The following ITPR2 variants were observed in gnomAD, a reference collection of about 807,000 sequenced individuals.
ITPR2 encodes the protein inositol 1,4,5-trisphosphate-gated calcium channel ITPR2.
Under a neutral mutation model 317.1 loss-of-function variants are expected in ITPR2, and 207 were observed. The observed-to-expected ratio is 0.65, with a 90% CI of 0.58 to 0.73. The LOEUF (loss-of-function observed/expected upper bound fraction) is 0.73, where lower values mean the gene tolerates loss of function less well. Ranked by LOEUF, ITPR2 falls within the 30% of genes least tolerant of loss-of-function variation. The probability of loss-of-function intolerance (pLI) is 0.00; values close to 1 mark genes in which losing one functional copy is unlikely to be tolerated. For missense variants in ITPR2, 2,613 were observed against 3,284.0 expected (o/e 0.80, Z 4.99); for synonymous variants, 1,156 against 1,149.1 (o/e 1.01, Z -0.12).
chr12:26,555,125 ACCCCAC>A (rs1944627047), intron 36 of ITPR2, among the ~76,000 whole-genome samples: 1 of 151,878 alleles, frequency 6.6e-6, no homozygotes, highest in Non-Finnish European at 1.5e-5. Context: ...TAGTATAAAA[ACCCCAC>A]CTATTCTTCA....
At chr12:26,568,149 T>G (rs560234632) in intron 34 of ITPR2, among the ~76,000 whole-genome samples, 307 of 150,870 alleles carry the variant, frequency 2.0e-3, no homozygotes, top group African/African-American at 6.6e-3. Flanking sequence ...TCTTCTGGCC[T>G]ATAGCATTAA....
chr12:26,804,132 A>G (rs12812268), intron 1 of ITPR2, among the ~76,000 whole-genome samples: 65,458 of 151,882 alleles, frequency 0.43, 14,535 homozygotes, highest in East Asian at 0.65. Context: ...GAAAAGGGAA[A>G]AGCTAAAAAA....
intron 10 of ITPR2, among the ~76,000 whole-genome samples, chr12:26,692,610 G>T (rs1948261804): frequency 6.6e-6 from 1 of 152,136 alleles, no homozygotes; most frequent in Non-Finnish European, 1.5e-5. Context: ...TGTTTACAGG[G>T]TCCCTGTGGA....
chr12:26,339,222 A>T lies in ITPR2; in HGVS notation c.*175T>A. On this transcript the variant is annotated 3_prime_UTR_variant, in exon 57 of 57. Transcript: ENST00000381340. ...ATGCATTTGAGGTTAGGTCTTCGCA[A>T]CCATGAAAACACAGTTATAAATTGT... is the stretch of plus-strand genomic sequence containing the variant. 1 of 592,524 alleles carries T rather than the reference A, an allele frequency of 1.7e-6. No individual in the cohort carries two copies. The highest frequency in any genetic ancestry group is 3.1e-6 in the Non-Finnish European group (1 of 327,616). The allele number at this position is 592,524 out of a possible 1,614,324, so 36.7% of individuals were successfully genotyped here.
intron 26 of ITPR2, among the ~76,000 whole-genome samples, chr12:26,606,337 C>G (rs1442137692): frequency 6.6e-6 from 1 of 152,122 alleles, no homozygotes; most frequent in African/African-American, 2.4e-5. Flanking sequence ...TCTAGAGAAC[C>G]TAAATTTATT....
chr12:26,357,110 G>A lies in ITPR2; in HGVS notation c.7858-16782C>T, dbSNP rs190482971. Among the ~76,000 whole-genome samples, 158 of 152,086 alleles carry A rather than the reference G, an allele frequency of 1.0e-3. 4 individuals are homozygous for A. Among genetic ancestry groups the A allele is most frequent in the Admixed American group, 9.7e-3 (148 of 15,260 alleles). The stretch of plus-strand genomic sequence containing the variant: ...GCTGCCAGAGCGCACCTGGGTTTAT[G>A]CTAATGAGGTGACTCTTGGTGGGCC... On this transcript the variant is annotated intron_variant, in intron 55 of 56. Transcript: ENST00000381340.
At chr12:26,558,187 T>C (rs1389567382) in intron 35 of ITPR2, among the ~76,000 whole-genome samples, 2 of 152,240 alleles carry the variant, frequency 1.3e-5, no homozygotes, top group African/African-American at 4.8e-5. Flanking sequence ...GTTTATCAAA[T>C]ATGACAATAT....
intron 15 of ITPR2, among the ~76,000 whole-genome samples, chr12:26,662,682 GT>G (rs1429559550): frequency 2.0e-5 from 3 of 152,120 alleles, no homozygotes; most frequent in Non-Finnish European, 4.4e-5. Flanking sequence ...GTTTTGTTTT[GT>G]TTTTTATGAG....
chr12:26,512,406 A>G (rs1010714917), intron 37 of ITPR2, among the ~76,000 whole-genome samples: 1 of 152,150 alleles, frequency 6.6e-6, no homozygotes, highest in Non-Finnish European at 1.5e-5. Flanking sequence ...CCTCTGCCCT[A>G]TTGCTTATGT....
chr12:26,696,964 G>T (rs1948363375), intron 9 of ITPR2, among the ~76,000 whole-genome samples: 1 of 152,204 alleles, frequency 6.6e-6, no homozygotes, highest in African/African-American at 2.4e-5. Flanking sequence ...GGGAAAAGAT[G>T]ATGGCCAAGG....
chr12:26,700,068 A>T (rs1346144171), intron 9 of ITPR2, among the ~76,000 whole-genome samples: 1 of 152,256 alleles, frequency 6.6e-6, no homozygotes, highest in Non-Finnish European at 1.5e-5. Context: ...TGACCATAAG[A>T]CATTACAACC....
chr12:26,690,945 G>A (rs1056915610), intron 10 of ITPR2, among the ~76,000 whole-genome samples: 3 of 152,210 alleles, frequency 2.0e-5, no homozygotes, highest in African/African-American at 7.2e-5. Context: ...TAGCTTTAAT[G>A]AAAAGAAAAT....
intron 42 of ITPR2, among the ~76,000 whole-genome samples, chr12:26,482,874 G>A (rs1025870852): frequency 2.6e-5 from 4 of 152,146 alleles, no homozygotes; most frequent in African/African-American, 4.8e-5. Context: ...TATGTCAATC[G>A]TTGATGTTTG....
intron 8 of ITPR2, among the ~76,000 whole-genome samples, chr12:26,712,851 T>A (rs540791989): frequency 2.0e-5 from 3 of 152,236 alleles, no homozygotes; most frequent in African/African-American, 7.2e-5. Context: ...TTTGGAGGGA[T>A]GCTATTGGCA....
At chr12:26,712,643 ACACACACACACACAC>A (rs1383887058) in intron 8 of ITPR2, among the ~76,000 whole-genome samples, 1 of 28,912 alleles carries the variant, frequency 3.5e-5, no homozygotes, top group Non-Finnish European at 1.1e-4. Flanking sequence ...ATACACACAC[ACACACACACACACAC>A]ACACACACAC....
intron 37 of ITPR2, among the ~76,000 whole-genome samples, chr12:26,546,790 A>AACTT (rs1420404937): frequency 6.6e-6 from 1 of 152,222 alleles, no homozygotes; most frequent in Non-Finnish European, 1.5e-5. Context: ...AGCAGATAAG[A>AACTT]ACTTACACTG....
chr12:26,413,737 T>A (rs1274865604), intron 51 of ITPR2, among the ~76,000 whole-genome samples: 1 of 152,144 alleles, frequency 6.6e-6, no homozygotes, highest in African/African-American at 2.4e-5. Context: ...GTATAAATAT[T>A]TTTAAGTAAA....
At chr12:26,431,837 G>A (rs1011752873) in intron 48 of ITPR2, among the ~76,000 whole-genome samples, 1 of 152,102 alleles carries the variant, frequency 6.6e-6, no homozygotes, top group Non-Finnish European at 1.5e-5. Flanking sequence ...AAGCATACAC[G>A]GCTCATTCCC....
At chr12:26,821,437 T>C (rs1310573450) in intron 1 of ITPR2, among the ~76,000 whole-genome samples, 2 of 152,228 alleles carry the variant, frequency 1.3e-5, no homozygotes, top group African/African-American at 4.8e-5. Context: ...AATTGCTCCA[T>C]TCAAGTCATG....
Sources: gnomAD v4.1 joint callset for allele counts (sites outside exome capture counted in the v4.1 genomes callset) on GRCh38, gnomAD v4.1.1 for gene constraint, MANE v1.5 for transcripts, NCBI Gene and HGNC (gene_info 2026-07-23, HGNC 2026-07-21) for gene names.